Variants in ADAM12 observed in about 807,000 individuals in gnomAD.
The protein encoded by ADAM12 is ADAM metallopeptidase domain 12.
In ADAM12, 70 loss-of-function variants were observed where a neutral mutation model predicts 106.4. The observed-to-expected ratio is 0.66, with a 90% CI of 0.54 to 0.80. The LOEUF is 0.80. Among genes scored for constraint, ADAM12 ranks in the 30% least tolerant of loss-of-function variants. The pLI, the probability that ADAM12 is intolerant of heterozygous loss-of-function variation, is 0.00. For synonymous variants in ADAM12, 420 were observed against 433.5 expected (o/e 0.97, Z 0.39); for missense variants, 1,010 against 1,171.9 (o/e 0.86, Z 2.02).
chr10:126,143,195 A>G (rs914060359), intron 4 of ADAM12, among the ~76,000 whole-genome samples: 2 of 148,692 alleles, frequency 1.3e-5, no homozygotes, highest in African/African-American at 5.0e-5. Flanking sequence ...GTATCTGTGT[A>G]TATGTATGTG....
chr10:126,342,529 T>G (rs1854965531), intron 1 of ADAM12, among the ~76,000 whole-genome samples: 1 of 152,222 alleles, frequency 6.6e-6, no homozygotes, highest in African/African-American at 2.4e-5. Context: ...ACACTGTGCT[T>G]AACTGTTTAA....
At chr10:126,305,396 G>A (rs944859628) in intron 2 of ADAM12, among the ~76,000 whole-genome samples, 2 of 152,004 alleles carry the variant, frequency 1.3e-5, no homozygotes, top group Non-Finnish European at 2.9e-5. Context: ...GTACATATGA[G>A]TTTCTAGAAG....
chr10:126,050,563 C>T (rs1006445667), intron 14 of ADAM12, among the ~76,000 whole-genome samples: 3 of 152,208 alleles, frequency 2.0e-5, no homozygotes, highest in South Asian at 4.1e-4. Flanking sequence ...GCCAGGATGC[C>T]GACACTCCAG....
At chr10:126,331,511 A>G (rs1232056972) in intron 1 of ADAM12, among the ~76,000 whole-genome samples, 5 of 152,198 alleles carry the variant, frequency 3.3e-5, no homozygotes, top group Non-Finnish European at 1.5e-5. Context: ...ATCATGCTCA[A>G]TGTGGAAGTC....
intron 11 of ADAM12, among the ~76,000 whole-genome samples, chr10:126,086,950 T>C (rs955309440): frequency 4.6e-5 from 7 of 151,664 alleles, no homozygotes; most frequent in Non-Finnish European, 1.0e-4. Flanking sequence ...GGAGAATTGC[T>C]TGAACTGGGG....
intron 1 of ADAM12, among the ~76,000 whole-genome samples, chr10:126,366,019 A>T (rs567823213): frequency 2.6e-5 from 4 of 152,220 alleles, no homozygotes; most frequent in African/African-American, 9.6e-5. Flanking sequence ...CGAGGTTTAG[A>T]TCTACCAGGT....
intron 3 of ADAM12, among the ~76,000 whole-genome samples, chr10:126,202,323 C>T (rs2927501): frequency 0.3 from 45,738 of 151,940 alleles, 8,053 homozygotes; most frequent in African/African-American, 0.5. Context: ...TTCAGCCTTT[C>T]TGACTATTAC....
chr10:126,049,192 T>G lies in ADAM12; in HGVS notation c.1917+61A>C, dbSNP rs1019274897. ...AAACCTTGTAACCCAGTTCTTGCTG[T>G]TTTTCAATGGGCCCTGTTCCAGACT... On this transcript the variant is annotated intron_variant, in intron 16 of 22. Transcript: ENST00000448723. This position sits in a 1 kb window ranked among gnomAD's most constrained non-coding sequence, Gnocchi z 4.4. 23 of 1,595,742 alleles carry G rather than the reference T, an allele frequency of 1.4e-5. No individual in the cohort carries two copies. The Middle Eastern group carries it at 1.5e-3, about 104-fold the overall frequency.
intron 3 of ADAM12, among the ~76,000 whole-genome samples, chr10:126,190,860 G>A (rs1057396549): frequency 1.3e-5 from 2 of 152,140 alleles, no homozygotes; most frequent in African/African-American, 4.8e-5. Context: ...AAATAAGATA[G>A]TGGGGTTAGA....
intron 3 of ADAM12, among the ~76,000 whole-genome samples, chr10:126,216,129 C>T (rs527481584): frequency 6.6e-6 from 1 of 152,278 alleles, no homozygotes; most frequent in East Asian, 1.9e-4. Flanking sequence ...TGAGAGATTA[C>T]AGAGAAGATA....
At chr10:126,086,704 T>TATATATAA (rs752355130) in intron 11 of ADAM12, among the ~76,000 whole-genome samples, 81 of 64,092 alleles carry the variant, frequency 1.3e-3, no homozygotes, top group South Asian at 7.5e-3. Flanking sequence ...TATATATATA[T>TATATATAA]ATAAAATAAA....
rs531782944 is a variant in ADAM12 at position 126,218,837 on chromosome 10, G to A, written c.260+60078C>T. On this transcript the variant is annotated intron_variant, in intron 3 of 22. Coordinates refer to ENST00000448723, the MANE Select transcript of ADAM12 (RefSeq NM_001288973.2). ...AAGGGCAGCTGCCAAATTAGGATCT[G>A]TAGAGATGTCCGGGGTTATGATAAA... Among the ~76,000 whole-genome samples the A allele has an allele frequency of 4.6e-5, 7 of 152,332 alleles. No individual in the cohort carries two copies. In the East Asian group the frequency reaches 1.2e-3, roughly 25 times the overall value.
chr10:126,215,011 A>G (rs12254272), intron 3 of ADAM12, among the ~76,000 whole-genome samples: 41,012 of 151,810 alleles, frequency 0.27, 6,167 homozygotes, highest in African/African-American at 0.41. Flanking sequence ...TCTGACACCC[A>G]TTTTCCCATG....
chr10:126,249,008 C>T (rs548992140), intron 3 of ADAM12, among the ~76,000 whole-genome samples: 3 of 152,020 alleles, frequency 2.0e-5, no homozygotes, highest in South Asian at 2.1e-4. Context: ...GTCTGGCCTT[C>T]GCAAGTATTT....
chr10:126,302,961 T>C (rs1162584497), intron 2 of ADAM12, among the ~76,000 whole-genome samples: 1 of 152,042 alleles, frequency 6.6e-6, no homozygotes, highest in East Asian at 1.9e-4. Flanking sequence ...GGGGGCATGG[T>C]TTTGGAACAG....
intron 14 of ADAM12, among the ~76,000 whole-genome samples, chr10:126,061,929 A>G (rs1023677379): frequency 6.6e-6 from 1 of 152,222 alleles, no homozygotes; most frequent in African/African-American, 2.4e-5. Flanking sequence ...GTAAACTGGA[A>G]ACCAGGCGGA....
chr10:126,050,006 GGCTGGCTGGCTGGCTGGC>G (rs2133439914), intron 14 of ADAM12, among the ~76,000 whole-genome samples: 1 of 36,554 alleles, frequency 2.7e-5, no homozygotes, highest in East Asian at 0.017. Context: ...CTGGCTGGCT[GGCTGGCTGGCTGGCTGGC>G]TGGCTGGCTG....
At chr10:126,303,177 T>C (rs575556045) in intron 2 of ADAM12, among the ~76,000 whole-genome samples, 105 of 152,350 alleles carry the variant, frequency 6.9e-4, no homozygotes, top group South Asian at 2.3e-3. Context: ...AGCATCGATA[T>C]TCCTTTTTAC....
At position 126,049,777 on chromosome 10, in the gene ADAM12, A is replaced by T. The variant is rs1485596913; in HGVS notation, c.1610-108T>A. On this transcript the variant is annotated intron_variant, in intron 14 of 22. Transcript: ENST00000448723. The surrounding 1 kb of genome is among the most constrained non-coding windows in gnomAD (Gnocchi z 4.4). ...GGGGAGACGTGCTCAAAGCAATCAC[A>T]CCCAGTGTCTGTCCCGACTCATGGT... The T allele has an allele frequency of 9.2e-6, 9 of 975,846 alleles. No individual in the cohort carries two copies. In the East Asian group the frequency reaches 2.1e-4, roughly 23 times the overall value. The allele number at this position is 975,846 out of a possible 1,614,324, so 60.4% of individuals were successfully genotyped here.
Sources: gnomAD v4.1 joint callset for allele counts (sites outside exome capture counted in the v4.1 genomes callset) on GRCh38, gnomAD v4.1.1 for gene constraint, Gnocchi (gnomAD v3.1) non-coding constraint, MANE v1.5 for transcripts, NCBI Gene and HGNC (gene_info 2026-07-23, HGNC 2026-07-21) for gene names.